The following SETD2 variants were observed in gnomAD, a reference collection of about 807,000 sequenced individuals.
The protein encoded by SETD2 is SET domain containing 2, histone lysine methyltransferase, also known as histone-lysine N-methyltransferase SETD2.
In SETD2, 31 loss-of-function variants were observed where a neutral mutation model predicts 242.1. That is an observed-to-expected ratio of 0.13 (90% CI 0.10 to 0.17). SETD2 has a LOEUF of 0.17. SETD2 is among the 10% of genes least tolerant of loss of function. The probability of loss-of-function intolerance (pLI) is 1.00; values close to 1 mark genes in which losing one functional copy is unlikely to be tolerated. For synonymous variants in SETD2, 1,006 were observed against 1,066.5 expected (o/e 0.94, Z 1.11); for missense variants, 2,481 against 3,046.3 (o/e 0.81, Z 4.37).
rs9845728 is a variant in SETD2, at chr3:47,061,886, C to T, written c.6293+277G>A. 0.65 allele frequency among the ~76,000 whole-genome samples: 98,817 copies of T among 152,002 alleles called. 32,566 individuals are homozygous for T. The highest frequency in any genetic ancestry group is 0.76 in the African/African-American group (31,358 of 41,470). ...ACTTATCTCCCACCAACCCCCATTGCGCTCGAAAGAACAAATCTTTGGCTC... is the reference window on the plus strand; with the variant it reads ...ACTTATCTCCCACCAACCCCCATTGTGCTCGAAAGAACAAATCTTTGGCTC... On this transcript the variant is annotated intron_variant, in intron 14 of 20. Transcript: ENST00000409792.
chr3:47,160,706 T>C (rs1294841446), intron 1 of SETD2, among the ~76,000 whole-genome samples: 1 of 152,214 alleles, frequency 6.6e-6, no homozygotes, highest in Non-Finnish European at 1.5e-5. Context: ...AGTGTGCCTA[T>C]GTTTGGCATA....
At chr3:47,140,927 G>A (rs999603816) in intron 1 of SETD2, among the ~76,000 whole-genome samples, 1 of 152,076 alleles carries the variant, frequency 6.6e-6, no homozygotes, top group African/African-American at 2.4e-5. Flanking sequence ...ACATGAGATA[G>A]GTTTCTGAGG....
At chr3:47,050,780 A>AAG (rs2039799207) in intron 15 of SETD2, among the ~76,000 whole-genome samples, 1 of 119,608 alleles carries the variant, frequency 8.4e-6, no homozygotes. Flanking sequence ...ACCCAGGCGG[A>AAG]AGTGCAGTGG....
At chr3:47,139,168 A>G (rs1182919437) in intron 1 of SETD2, among the ~76,000 whole-genome samples, 4 of 151,924 alleles carry the variant, frequency 2.6e-5, no homozygotes, top group Admixed American at 6.6e-5. Flanking sequence ...TATTTTTTGT[A>G]TTGCTCGTTT....
At chr3:47,145,509 C>T (rs1381222004) in intron 1 of SETD2, 1 of 438,326 alleles carries the variant, frequency 2.3e-6, no homozygotes, top group African/African-American at 2.0e-5. Context: ...ATCCTCCTAC[C>T]TCAGGCTCCT....
intron 17 of SETD2, among the ~76,000 whole-genome samples, chr3:47,039,353 T>C (rs912748019): frequency 1.3e-5 from 2 of 151,980 alleles, no homozygotes; most frequent in Non-Finnish European, 2.9e-5. Flanking sequence ...TAGCTGGGAT[T>C]ACAGGTGCGT....
At chr3:47,068,353 C>T (rs1313912765) in intron 12 of SETD2, among the ~76,000 whole-genome samples, 2 of 152,108 alleles carry the variant, frequency 1.3e-5, no homozygotes, top group Non-Finnish European at 2.9e-5. Context: ...TGCACAGATC[C>T]AGGGAAATCT....
At chr3:47,027,782 G>A (rs996130715) in intron 18 of SETD2, among the ~76,000 whole-genome samples, 2 of 125,754 alleles carry the variant, frequency 1.6e-5, no homozygotes, top group Non-Finnish European at 3.6e-5. Context: ...GCTGCTGCTG[G>A]TTTTTTTTTT....
intron 18 of SETD2, among the ~76,000 whole-genome samples, chr3:47,032,815 G>A (rs533449314): frequency 1.3e-5 from 2 of 152,032 alleles, no homozygotes; most frequent in South Asian, 2.1e-4. Flanking sequence ...AGTAGGCTGA[G>A]GCATGAGAAT....
chr3:47,140,918 C>T (rs2043713428), intron 1 of SETD2, among the ~76,000 whole-genome samples: 1 of 152,054 alleles, frequency 6.6e-6, no homozygotes, highest in African/African-American at 2.4e-5. Context: ...CGAAGAAAGA[C>T]ATGAGATAGG....
intron 18 of SETD2, among the ~76,000 whole-genome samples, chr3:47,023,364 C>T (rs1325498831): frequency 6.6e-6 from 1 of 152,014 alleles, no homozygotes; most frequent in Non-Finnish European, 1.5e-5. Context: ...CGTGCCACTG[C>T]ACTGCAGCCT....
intron 16 of SETD2, 144 bp from the exon 17 acceptor site, chr3:47,042,844 T>C: frequency 4.0e-6 from 3 of 745,814 alleles, no homozygotes; most frequent in Admixed American, 2.9e-5. Context: ...GTCTGGGAAA[T>C]AAGGGACAGT....
intron 5 of SETD2, among the ~76,000 whole-genome samples, chr3:47,110,453 T>C (rs2042606247): frequency 6.6e-6 from 1 of 152,242 alleles, no homozygotes; most frequent in Non-Finnish European, 1.5e-5. Context: ...AAACCCTATC[T>C]GGTATCCAAT....
intron 1 of SETD2, among the ~76,000 whole-genome samples, chr3:47,159,801 C>G (rs1697434589): frequency 6.6e-6 from 1 of 152,018 alleles, no homozygotes; most frequent in Non-Finnish European, 1.5e-5. Flanking sequence ...AAGGTGAAAC[C>G]CCATCTCTAC....
chr3:47,025,005 C>G (rs1275069144), intron 18 of SETD2, among the ~76,000 whole-genome samples: 1 of 152,192 alleles, frequency 6.6e-6, no homozygotes, highest in Non-Finnish European at 1.5e-5. Flanking sequence ...TACTACCAGA[C>G]AGCACTCTTC....
At chr3:47,117,638 T>C (rs1043556497) in intron 3 of SETD2, among the ~76,000 whole-genome samples, 1 of 152,226 alleles carries the variant, frequency 6.6e-6, no homozygotes, top group Non-Finnish European at 1.5e-5. Flanking sequence ...TAACATCACA[T>C]CTGCATAAAT....
At chr3:47,105,903 CAAAAAAAAAAAA>C in intron 6 of SETD2, 82 bp downstream of exon 6, 5 of 965,356 alleles carry the variant, frequency 5.2e-6, no homozygotes, top group East Asian at 3.4e-5. Context: ...ACTCCGTCTC[CAAAAAAAAAAAA>C]AAAAAAAAAA....
intron 18 of SETD2, among the ~76,000 whole-genome samples, chr3:47,031,362 G>A (rs2038761263): frequency 6.6e-6 from 1 of 152,196 alleles, no homozygotes; most frequent in South Asian, 2.1e-4. Flanking sequence ...GTGACAGGGG[G>A]TATATGGAAA....
At chr3:47,104,223 TA>T (rs767312095) in intron 6 of SETD2, among the ~76,000 whole-genome samples, 710 of 136,048 alleles carry the variant, frequency 5.2e-3, no homozygotes, top group Non-Finnish European at 5.1e-3. Context: ...CTCTTTTCAC[TA>T]AAAAAAAAAA....
Sources: gnomAD v4.1 joint callset for allele counts (sites outside exome capture counted in the v4.1 genomes callset) on GRCh38, gnomAD v4.1.1 for gene constraint, MANE v1.5 for transcripts, NCBI Gene and HGNC (gene_info 2026-07-23, HGNC 2026-07-21) for gene names.